DDX46: variants seen among roughly 807,000 people sequenced by gnomAD.
The protein encoded by DDX46 is DEAD-box helicase 46, also known as probable ATP-dependent RNA helicase DDX46.
In DDX46, 30 loss-of-function variants were observed where a neutral mutation model predicts 134.9. The ratio of observed to expected loss-of-function variants is 0.22; its 90% CI spans 0.17 to 0.30. DDX46 has a LOEUF of 0.30. DDX46 is among the 10% of genes least tolerant of loss of function. DDX46 has a pLI of 1.00. For missense variants in DDX46, 622 were observed against 1,248.7 expected (o/e 0.50, Z 7.56); for synonymous variants, 415 against 404.1 (o/e 1.03, Z -0.32).
Position 134,830,169 on chromosome 5 carries a change from G to GAAAAAAAAAAAA in DDX46, c.*1467_*1478dup, listed in dbSNP as rs57416807. On this transcript the variant is annotated 3_prime_UTR_variant, in exon 23 of 23. Transcript: ENST00000452510. ...TTAAACCAACCACAGATCAAAAATAGAAAAAAAAAAAAAAAGAAAAAAAGA... is the reference window on the plus strand; with the variant it reads ...TTAAACCAACCACAGATCAAAAATAGAAAAAAAAAAAAAAAAAAAAAAAAAAAGAAAAAAAGA... 34 of 54,674 alleles carry GAAAAAAAAAAAA rather than the reference G, an allele frequency of 6.2e-4. No individual in the cohort carries two copies. Among genetic ancestry groups the GAAAAAAAAAAAA allele is most frequent in the Middle Eastern group, 0.01 (1 of 96 alleles). 3.4% of individuals were successfully genotyped at this position (54,674 alleles called of 1,614,324 possible).
intron 21 of DDX46, among the ~76,000 whole-genome samples, chr5:134,825,595 G>A (rs1343227578): frequency 2.0e-5 from 3 of 152,038 alleles, no homozygotes; most frequent in African/African-American, 7.2e-5. Context: ...TCTCTACGTT[G>A]CAAACCCAGT....
Position 134,784,789 on chromosome 5 carries a change from G to C in DDX46, c.1342+248G>C. The C allele has an allele frequency of 1.2e-5, 3 of 241,458 alleles. No individual in the cohort carries two copies. In the East Asian group the frequency reaches 2.6e-4, roughly 21 times the overall value. 15.0% of individuals were successfully genotyped at this position (241,458 alleles called of 1,614,324 possible). The stretch of plus-strand genomic sequence containing the variant: ...TGGCACAGCTCAGTTTTTAAACTCT[G>C]ACTTGGCAGGTAGACTCCTCGTGCA... On this transcript the variant is annotated intron_variant, in intron 10 of 22. Transcript: ENST00000452510.
intron 15 of DDX46, among the ~76,000 whole-genome samples, chr5:134,802,774 T>C (rs572520689): frequency 3.9e-5 from 6 of 152,216 alleles, no homozygotes; most frequent in Admixed American, 3.9e-4. Context: ...GATTTTTGTT[T>C]TATGGTTTTG....
chr5:134,770,783 C>T lies in DDX46; in HGVS notation c.351-120C>T, dbSNP rs1203945486. On this transcript the variant is annotated intron_variant, in intron 3 of 22. Transcript: ENST00000452510. ...GCTGAGATCGCACCATTTCACTCCA[C>T]TCCAGTCTGGGCGACAGAGTGAGAC... 1.2e-5 allele frequency: 10 copies of T among 810,476 alleles called. No homozygotes were observed. The South Asian group carries it at 1.3e-4, about 11-fold the overall frequency. The allele number at this position is 810,476 out of a possible 1,614,324, so 50.2% of individuals were successfully genotyped here.
intron 6 of DDX46, among the ~76,000 whole-genome samples, chr5:134,778,168 A>G (rs375084854): frequency 5.9e-4 from 89 of 151,556 alleles, no homozygotes; most frequent in African/African-American, 1.8e-3. Context: ...ACATGTGTGC[A>G]CCACCATGCC....
In DDX46 at chr5:134,773,707, G is replaced by C. The variant is rs376220576; in HGVS notation, c.459G>C (p.Gln153His). The change falls in exon 5 of 23, where the codon CAG becomes CAC. Residue 153 changes from glutamine to histidine, a missense_variant. Around this residue, in one of 8 missense-constraint regions of DDX46, gnomAD observed 244 missense variants for 349.3 expected, o/e 0.70. Coordinates refer to ENST00000452510, the MANE Select transcript of DDX46 (RefSeq NM_001300860.2). Reference sequence around the variant, plus strand: ...TTTATTCCCCCAAGAACTTTGACCAGAATAAGCTGGAAGAAGAAATGAGAA... The same window carrying C: ...TTTATTCCCCCAAGAACTTTGACCACAATAAGCTGGAAGAAGAAATGAGAA... The part of the protein sequence containing the change: ...EKEKDAGNFD[Q>H]NKLEEEMRKR... 2 of 1,605,788 alleles carry C rather than the reference G, an allele frequency of 1.2e-6. No homozygotes were observed. Among genetic ancestry groups the C allele is most frequent in the Admixed American group, 1.7e-5 (1 of 58,574 alleles).
rs768578410 is a variant in DDX46, at chr5:134,816,656, A to T, written c.2613+50A>T. On this transcript the variant is annotated intron_variant, in intron 19 of 22. Coordinates refer to ENST00000452510, the MANE Select transcript of DDX46 (RefSeq NM_001300860.2). ...GTCAATACTTTTAAGAAGTTCTTTG[A>T]TTTTACTTTTCAGGAATTATGTTGA... is the stretch of plus-strand genomic sequence containing the variant. The T allele has an allele frequency of 1.6e-4, 247 of 1,561,132 alleles. 1 individual carries two copies. The highest frequency in any genetic ancestry group is 1.9e-4 in the Non-Finnish European group (224 of 1,152,846).
intron 2 of DDX46, among the ~76,000 whole-genome samples, chr5:134,766,519 A>G (rs1164842200): frequency 6.7e-6 from 1 of 150,188 alleles, no homozygotes; most frequent in African/African-American, 2.5e-5. Flanking sequence ...GCGCCATTGC[A>G]CTCCAGCCTG....
chr5:134,784,238 C>A, intron 9 of DDX46, 128 bp from the exon 10 acceptor site: 1 of 890,272 alleles, frequency 1.1e-6, no homozygotes, highest in African/African-American at 1.7e-5. Context: ...CTTTTTATTG[C>A]CAAATAGTAT....
At chr5:134,782,133 G>T (rs1416771514) in intron 8 of DDX46, 47 bp downstream of exon 8, 21 of 1,498,616 alleles carry the variant, frequency 1.4e-5, no homozygotes, top group Non-Finnish European at 1.7e-5. Context: ...AACAGAAGAG[G>T]ATACATTTCA....
At chr5:134,767,459 C>T (rs1372718298) in intron 3 of DDX46, among the ~76,000 whole-genome samples, 1 of 152,002 alleles carries the variant, frequency 6.6e-6, no homozygotes. Flanking sequence ...ACCTAGGCCT[C>T]CAAAAGTCCT....
intron 16 of DDX46, among the ~76,000 whole-genome samples, chr5:134,810,600 T>C (rs925451123): frequency 6.7e-6 from 1 of 149,490 alleles, no homozygotes; most frequent in Non-Finnish European, 1.5e-5. Flanking sequence ...CCCCTTGGCC[T>C]CCCAAAGTGC....
chr5:134,818,744 G>C, intron 20 of DDX46, 116 bp from the exon 21 acceptor site: 1 of 707,720 alleles, frequency 1.4e-6, no homozygotes, highest in Non-Finnish European at 2.1e-6. Context: ...TGGAGAGAGA[G>C]AGAGAGAGAG....
At chr5:134,776,448 A>C (rs1476553830) in intron 5 of DDX46, among the ~76,000 whole-genome samples, 2 of 151,986 alleles carry the variant, frequency 1.3e-5, no homozygotes, top group Admixed American at 6.6e-5. Context: ...CATTAAGTTG[A>C]AGTAGATCAT....
intron 11 of DDX46, among the ~76,000 whole-genome samples, chr5:134,786,659 A>G (rs191316815): frequency 1.1e-3 from 169 of 152,272 alleles, no homozygotes; most frequent in African/African-American, 3.7e-3. Context: ...CCTAGCCAAC[A>G]TGGCGAGACT....
chr5:134,807,068 C>G (rs1324098501), intron 15 of DDX46, among the ~76,000 whole-genome samples: 1 of 135,876 alleles, frequency 7.4e-6, no homozygotes, highest in Non-Finnish European at 1.6e-5. Flanking sequence ...TTTTTTTTTT[C>G]CCCGAGACAG....
At chr5:134,779,941 A>G (rs1183271421) in intron 6 of DDX46, among the ~76,000 whole-genome samples, 1 of 152,232 alleles carries the variant, frequency 6.6e-6, no homozygotes, top group Non-Finnish European at 1.5e-5. Context: ...TCTACTAAAA[A>G]TACAAGAATT....
intron 3 of DDX46, among the ~76,000 whole-genome samples, chr5:134,768,910 T>C (rs999615720): frequency 6.6e-6 from 1 of 151,928 alleles, no homozygotes; most frequent in Admixed American, 6.6e-5. Context: ...AGTAAAAAAT[T>C]AGTCAGGTGT....
intron 5 of DDX46, among the ~76,000 whole-genome samples, chr5:134,776,081 G>A (rs2150136603): frequency 6.6e-6 from 1 of 152,274 alleles, no homozygotes; most frequent in South Asian, 2.1e-4. Flanking sequence ...TGGTAAGCGG[G>A]AGAAAAGAAT....
Sources: gnomAD v4.1 joint callset for allele counts (sites outside exome capture counted in the v4.1 genomes callset) on GRCh38, gnomAD v4.1.1 for gene constraint, gnomAD v4.1.1 regional missense constraint, MANE v1.5 for transcripts, NCBI Gene and HGNC (gene_info 2026-07-23, HGNC 2026-07-21) for gene names.